Variants in USP45 observed in about 807,000 individuals in gnomAD.
The protein encoded by USP45 is ubiquitin specific peptidase 45, also known as ubiquitin carboxyl-terminal hydrolase 45.
A neutral mutation model predicts 95.8 loss-of-function variants in USP45; 89 were observed. That is an observed-to-expected ratio of 0.93 (90% confidence interval 0.78 to 1.11). USP45 has a LOEUF of 1.11. Among genes scored for constraint, USP45 ranks in the 50% least tolerant of loss-of-function variants. The pLI is 0.00. For missense variants in USP45, 898 were observed against 942.5 expected, an observed-to-expected ratio of 0.95 and a Z score of 0.62; for synonymous variants, 281 against 316.2, an observed-to-expected ratio of 0.89 and a Z score of 1.18.
intron 14 of USP45, 114 bp downstream of exon 14, chr6:99,445,683 T>G (rs1323801940): frequency 1.0e-5 from 8 of 782,450 alleles, no homozygotes; most frequent in Non-Finnish European, 1.5e-5. Flanking sequence ...AAACAATCTC[T>G]GCCTAAGTAA....
rs184810137 is a variant in USP45, at chr6:99,459,217, A to G, written c.1308+5387T>C. ...TGTACTCAATGTTTAGCTCCCACTT[A>G]TAAGTGAGAACTTGTGGTATTTGGT... On this transcript the variant is annotated intron_variant, in intron 13 of 17. Transcript: ENST00000500704. Among the ~76,000 whole-genome samples, 18 of 152,234 alleles carry G rather than the reference A, an allele frequency of 1.2e-4. No homozygotes were observed. In the East Asian group the frequency reaches 3.3e-3, roughly 28 times the overall value.
intron 8 of USP45, among the ~76,000 whole-genome samples, chr6:99,480,850 G>A (rs150157435): frequency 6.6e-6 from 1 of 152,144 alleles, no homozygotes; most frequent in East Asian, 1.9e-4. Flanking sequence ...AACACATGTG[G>A]CTTAAATCTT....
At chr6:99,453,015 A>G (rs1260245985) in intron 13 of USP45, among the ~76,000 whole-genome samples, 10 of 151,840 alleles carry the variant, frequency 6.6e-5, no homozygotes, top group Non-Finnish European at 1.5e-4. Flanking sequence ...GATCACACAC[A>G]GGAGCCTGTT....
chr6:99,445,940 T>C lies in USP45; in HGVS notation c.1832A>G (p.Tyr611Cys), dbSNP rs1039214320. The change falls in exon 14 of 18, where the codon TAT (tyrosine) becomes TGT (cysteine). Residue 611 changes from tyrosine (Y) to cysteine (C), a missense_variant. Tyr to Cys is a radical substitution (Grantham distance 194). Coordinates refer to ENST00000500704, the MANE Select transcript of USP45 (RefSeq NM_001346022.3). Reference sequence around the variant, plus strand: ...TGAACATTCTTTAGAAGTAGTTATATAGCTCTGAGAAAGGGTCTGAAAAGC... The same window carrying C: ...TGAACATTCTTTAGAAGTAGTTATACAGCTCTGAGAAAGGGTCTGAAAAGC... ...QNAFQTLSQS[Y>C]ITTSKECSIQ... is the part of the protein sequence containing the mutation. 7 of 1,614,136 alleles carry C rather than the reference T, an allele frequency of 4.3e-6. No homozygotes were observed. Among genetic ancestry groups the C allele is most frequent in the South Asian group, 1.1e-5 (1 of 91,086 alleles).
At chr6:99,466,526 G>C in intron 11 of USP45, 146 bp downstream of exon 11, 1 of 644,094 alleles carries the variant, frequency 1.6e-6, no homozygotes, top group East Asian at 2.9e-5. Flanking sequence ...TAGGAGTGTA[G>C]CGTATAAAAA....
At chr6:99,441,786 A>C (rs1781578528) in intron 15 of USP45, among the ~76,000 whole-genome samples, 3 of 152,196 alleles carry the variant, frequency 2.0e-5, no homozygotes, top group African/African-American at 7.2e-5. Flanking sequence ...TAGAAATGTC[A>C]GTTGATATTC....
chr6:99,516,703 T>C (rs997474613), upstream of USP45, among the ~76,000 whole-genome samples: 2 of 152,128 alleles, frequency 1.3e-5, no homozygotes, highest in African/African-American at 4.8e-5. Context: ...TGTGGTGTAA[T>C]TTTGAAGGCA....
intron 8 of USP45, among the ~76,000 whole-genome samples, chr6:99,477,516 T>C (rs944944413): frequency 2.0e-5 from 3 of 152,172 alleles, no homozygotes; most frequent in African/African-American, 7.2e-5. Context: ...TTTCTCCATG[T>C]TGGTCAGGCT....
intron 8 of USP45, among the ~76,000 whole-genome samples, chr6:99,481,690 C>A (rs1230203621): frequency 1.3e-5 from 2 of 152,172 alleles, no homozygotes; most frequent in East Asian, 3.9e-4. Context: ...TCTAGTAATC[C>A]CCACTCTCTA....
intron 5 of USP45, among the ~76,000 whole-genome samples, chr6:99,493,227 C>T (rs1216848618): frequency 6.6e-6 from 1 of 151,038 alleles, no homozygotes; most frequent in Non-Finnish European, 1.5e-5. Context: ...GGTTTCACCA[C>T]GTTGGCCAGG....
intron 14 of USP45, among the ~76,000 whole-genome samples, chr6:99,445,288 G>A (rs964382460): frequency 6.6e-6 from 1 of 152,012 alleles, no homozygotes; most frequent in Non-Finnish European, 1.5e-5. Context: ...TTCAAGACCA[G>A]CCTGGCCAAG....
intron 13 of USP45, among the ~76,000 whole-genome samples, chr6:99,456,002 G>A (rs9389378): frequency 0.52 from 78,361 of 150,618 alleles, 20,943 homozygotes; most frequent in East Asian, 0.9. Flanking sequence ...GCTTGATGGC[G>A]GGCACCTGTA....
At chr6:99,504,809 T>C (rs779612905) in intron 4 of USP45, among the ~76,000 whole-genome samples, 5 of 152,130 alleles carry the variant, frequency 3.3e-5, no homozygotes, top group Non-Finnish European at 5.9e-5. Flanking sequence ...TTTAAGTGGG[T>C]AGAGGCCAGG....
chr6:99,475,895 G>A (rs1332164504), intron 9 of USP45, among the ~76,000 whole-genome samples: 4 of 152,024 alleles, frequency 2.6e-5, no homozygotes, highest in Admixed American at 2.0e-4. Flanking sequence ...CGGGATCTCC[G>A]CTCACTGCAA....
chr6:99,477,826 T>C (rs1048314864), intron 8 of USP45, among the ~76,000 whole-genome samples: 21 of 152,178 alleles, frequency 1.4e-4, no homozygotes, highest in African/African-American at 5.1e-4. Flanking sequence ...CTACCTGCAC[T>C]TGGTGGACAG....
intron 5 of USP45, among the ~76,000 whole-genome samples, chr6:99,497,460 A>C (rs1214936986): frequency 6.6e-6 from 1 of 152,180 alleles, no homozygotes; most frequent in Non-Finnish European, 1.5e-5. Context: ...AGTGAGTAAA[A>C]AGAGACAACT....
rs940787952 is a variant in USP45 at position 99,433,333 on chromosome 6, G to A, written c.*2383C>T. 1 of 152,448 alleles carries A rather than the reference G, an allele frequency of 6.6e-6. No homozygotes were observed. The highest frequency in any genetic ancestry group is 1.5e-5 in the Non-Finnish European group (1 of 68,000). The allele number at this position is 152,448 out of a possible 1,614,324, so 9.4% of individuals were successfully genotyped here. A position where few individuals can be genotyped will look rare whatever the true frequency, so the allele number is the denominator to read the frequency against. ...AAACTTTAATTCATTCAAACACTAT[G>A]GTAGTTATGTTGATGATAAGTAAAC... is the stretch of plus-strand genomic sequence containing the variant. On this transcript the variant is annotated 3_prime_UTR_variant, in exon 18 of 18. Transcript: ENST00000500704.
upstream of USP45, among the ~76,000 whole-genome samples, chr6:99,517,435 C>CT (rs1173670962): frequency 2.0e-5 from 3 of 150,196 alleles, no homozygotes; most frequent in Non-Finnish European, 3.0e-5. Context: ...TATTTTTTTC[C>CT]TTTTTTTGTT....
chr6:99,465,154 T>C lies in USP45; in HGVS notation c.1108-18A>G, dbSNP rs775670619. 5 of 1,572,774 alleles carry C rather than the reference T, an allele frequency of 3.2e-6. No homozygotes were observed. Among genetic ancestry groups the C allele is most frequent in the South Asian group, 2.4e-5 (2 of 83,576 alleles). The stretch of plus-strand genomic sequence containing the variant: ...GTGGAGATCTTAAAAGGAAAACACA[T>C]TGAAAACTTCAGTTAGAATTCTAAT... On this transcript the variant is annotated intron_variant, in intron 11 of 17. Transcript: ENST00000500704.
Sources: gnomAD v4.1 joint callset for allele counts (sites outside exome capture counted in the v4.1 genomes callset) on GRCh38, gnomAD v4.1.1 for gene constraint, MANE v1.5 for transcripts, NCBI Gene and HGNC (gene_info 2026-07-23, HGNC 2026-07-21) for gene names.